Variants in ZFHX3 observed in about 807,000 individuals in gnomAD.
ZFHX3 encodes the protein zinc finger homeobox protein 3.
Under a neutral mutation model 279.1 loss-of-function variants are expected in ZFHX3, and 42 were observed. The ratio of observed to expected loss-of-function variants is 0.15; its 90% CI spans 0.12 to 0.19. ZFHX3 has a LOEUF of 0.19. ZFHX3 is among the 10% of genes least tolerant of loss of function. The pLI is 1.00. For synonymous variants in ZFHX3, 2,293 were observed against 1,957.8 expected, an observed-to-expected ratio of 1.17 and a Z score of -4.52; for missense variants, 4,981 against 4,754.0, an observed-to-expected ratio of 1.05 and a Z score of -1.40.
At chr16:73,273,986 T>C (rs2014225831) in intron 4 of ZFHX3, among the ~76,000 whole-genome samples, 1 of 152,012 alleles carries the variant, frequency 6.6e-6, no homozygotes, top group South Asian at 2.1e-4. Flanking sequence ...CTACTAAAAA[T>C]ACAAAAAATT....
At chr16:72,844,797 T>C (rs963611935) in intron 4 of ZFHX3, among the ~76,000 whole-genome samples, 3 of 152,144 alleles carry the variant, frequency 2.0e-5, no homozygotes, top group Non-Finnish European at 4.4e-5. Flanking sequence ...ATTTGTGGCA[T>C]TGGTATCTTC....
At chr16:73,373,148 G>C (rs566677525) in intron 3 of ZFHX3, among the ~76,000 whole-genome samples, 1 of 152,172 alleles carries the variant, frequency 6.6e-6, no homozygotes, top group East Asian at 1.9e-4. Flanking sequence ...GGTTTGGGGG[G>C]GGGGTGGTTC....
chr16:72,983,621 C>T (rs182046462), intron 1 of ZFHX3, among the ~76,000 whole-genome samples: 21 of 152,212 alleles, frequency 1.4e-4, no homozygotes, highest in Admixed American at 7.8e-4. Context: ...ATAGAAGGAT[C>T]GCTTGAGCCC....
In ZFHX3 at chr16:72,958,474, A is replaced by G; in HGVS notation, c.1672T>C (p.Phe558Leu). 6.2e-7 allele frequency: 1 copy of G among 1,614,152 alleles called. No homozygotes were observed. Among genetic ancestry groups the G allele is most frequent in the Non-Finnish European group, 8.5e-7 (1 of 1,180,038 alleles). ...CTGTTCGCACCATCAAAGACAACAA[A>G]GGAAGAAGCAGAATTAGAACTAGTA... is the stretch of plus-strand genomic sequence containing the variant. ...ASTSSNSASS[F>L]VVFDGANRRN... Residue 558 changes from phenylalanine (F) to leucine (L), a missense_variant, in exon 2 of 10, where the codon TTT becomes CTT. This residue lies in a region of ZFHX3 where 1,068 missense variants were observed against 935.2 expected (regional missense o/e 1.14). Coordinates refer to ENST00000268489, the MANE Select transcript of ZFHX3 (RefSeq NM_006885.4).
chr16:73,097,209 TCACCA>T (rs1038713360), intron 7 of ZFHX3, among the ~76,000 whole-genome samples: 3 of 149,870 alleles, frequency 2.0e-5, no homozygotes, highest in African/African-American at 7.4e-5. Flanking sequence ...GCTTGCCTCC[TCACCA>T]CACCCAGCTA....
chr16:73,106,152 T>A (rs1393590475), intron 7 of ZFHX3, among the ~76,000 whole-genome samples: 1 of 152,120 alleles, frequency 6.6e-6, no homozygotes, highest in African/African-American at 2.4e-5. Flanking sequence ...GATATTCCAA[T>A]GATTTCTGCC....
chr16:72,792,871 G>T (rs2035760194), intron 9 of ZFHX3, among the ~76,000 whole-genome samples: 1 of 152,192 alleles, frequency 6.6e-6, no homozygotes, highest in Non-Finnish European at 1.5e-5. Flanking sequence ...GAATTAGCTA[G>T]GACTAACTCA....
chr16:73,466,486 CCACCAT>C (rs1019073004), intron 2 of ZFHX3, among the ~76,000 whole-genome samples: 2 of 152,124 alleles, frequency 1.3e-5, no homozygotes, highest in African/African-American at 4.8e-5. Context: ...TGTTTCAAAA[CCACCAT>C]CACCATCACC....
At chr16:73,165,521 T>C (rs1167771301) in intron 5 of ZFHX3, among the ~76,000 whole-genome samples, 3 of 152,226 alleles carry the variant, frequency 2.0e-5, no homozygotes, top group East Asian at 3.9e-4. Flanking sequence ...CAGAATAAAA[T>C]GGCAAACTTG....
chr16:73,219,344 A>G (rs1463233740), intron 5 of ZFHX3, among the ~76,000 whole-genome samples: 2 of 152,224 alleles, frequency 1.3e-5, no homozygotes, highest in Admixed American at 6.5e-5. Context: ...ATCAATAAGT[A>G]CTAGCATGAC....
intron 1 of ZFHX3, among the ~76,000 whole-genome samples, chr16:72,989,875 G>C (rs1053205056): frequency 2.0e-5 from 3 of 152,192 alleles, no homozygotes; most frequent in Non-Finnish European, 2.9e-5. Flanking sequence ...CCCAAGGGGT[G>C]GAAATTCAGT....
chr16:73,349,682 C>CCT (rs2016194884), intron 3 of ZFHX3, among the ~76,000 whole-genome samples: 1 of 30,556 alleles, frequency 3.3e-5, no homozygotes, highest in Non-Finnish European at 6.7e-5. Flanking sequence ...CCTTCCCTCT[C>CCT]TCCCTCTCCC....
At chr16:73,584,979 A>C (rs776844178) in intron 2 of ZFHX3, among the ~76,000 whole-genome samples, 3 of 152,238 alleles carry the variant, frequency 2.0e-5, no homozygotes, top group Admixed American at 6.5e-5. Flanking sequence ...ACATGAAAAA[A>C]GCTCAACATC....
chr16:73,372,998 G>C (rs1023027016), intron 3 of ZFHX3, among the ~76,000 whole-genome samples: 2 of 152,096 alleles, frequency 1.3e-5, no homozygotes, highest in Non-Finnish European at 2.9e-5. Flanking sequence ...CTGTCAAGTT[G>C]CTTTCACAGA....
At chr16:73,540,064 G>A (rs1318979186) in intron 2 of ZFHX3, among the ~76,000 whole-genome samples, 1 of 152,182 alleles carries the variant, frequency 6.6e-6, no homozygotes, top group Admixed American at 6.5e-5. Context: ...TATATATTTT[G>A]GTGATTAGTA....
intron 1 of ZFHX3, among the ~76,000 whole-genome samples, chr16:73,007,516 G>A (rs999047385): frequency 1.3e-5 from 2 of 151,984 alleles, no homozygotes; most frequent in African/African-American, 4.8e-5. Context: ...GTGCGATCTC[G>A]GCTCACTACA....
chr16:73,431,587 A>C (rs189005709), intron 3 of ZFHX3, among the ~76,000 whole-genome samples: 24 of 152,246 alleles, frequency 1.6e-4, no homozygotes, highest in African/African-American at 5.5e-4. Flanking sequence ...ATATTCCATA[A>C]ATGTTCCATT....
chr16:73,129,313 G>A (rs144067368), intron 7 of ZFHX3, among the ~76,000 whole-genome samples: 2 of 151,914 alleles, frequency 1.3e-5, no homozygotes, highest in African/African-American at 4.8e-5. Flanking sequence ...GCTTGAGCCT[G>A]GGAGGTGGAG....
chr16:73,355,494 C>T (rs755807450), intron 3 of ZFHX3, among the ~76,000 whole-genome samples: 37 of 152,184 alleles, frequency 2.4e-4, no homozygotes, highest in Non-Finnish European at 5.3e-4. Context: ...TGGTGGCTAC[C>T]TCTTCCTGAA....
Sources: gnomAD v4.1 joint callset for allele counts (sites outside exome capture counted in the v4.1 genomes callset) on GRCh38, gnomAD v4.1.1 for gene constraint, gnomAD v4.1.1 regional missense constraint, MANE v1.5 for transcripts, NCBI Gene and HGNC (gene_info 2026-07-23, HGNC 2026-07-21) for gene names.